Variants in CBFA2T2 observed in about 807,000 individuals in gnomAD.
CBFA2T2 encodes the protein protein CBFA2T2.
Under a neutral mutation model 62.2 loss-of-function variants are expected in CBFA2T2, and 11 were observed. That is an observed-to-expected ratio of 0.18 (90% CI 0.11 to 0.29). The LOEUF is 0.29. Ranked by LOEUF, CBFA2T2 falls within the 10% of genes least tolerant of loss-of-function variation. The pLI is 1.00. For synonymous variants in CBFA2T2, 295 were observed against 287.5 expected (o/e 1.03, Z -0.27); for missense variants, 592 against 774.1 (o/e 0.76, Z 2.79).
chr20:33,601,274 G>A (rs1009736236), intron 1 of CBFA2T2, among the ~76,000 whole-genome samples: 2 of 151,698 alleles, frequency 1.3e-5, no homozygotes, highest in African/African-American at 2.4e-5. Context: ...TTTTTTGTTT[G>A]TTTGTTTTTA....
Position 33,530,509 on chromosome 20 carries a change from C to T in CBFA2T2, c.34+40208C>T, listed in dbSNP as rs1229439023. On this transcript the variant is annotated intron_variant, in intron 1 of 10. Coordinates refer to ENST00000342704, the MANE Select transcript of CBFA2T2 (RefSeq NM_001032999.3). Reference sequence around the variant, plus strand: ...CTTGGCTCACTGCAACCTCTGCCTCCCGGGTTCATGCAATTCTCCTGCTTC... The same window carrying T: ...CTTGGCTCACTGCAACCTCTGCCTCTCGGGTTCATGCAATTCTCCTGCTTC... 5.9e-5 allele frequency among the ~76,000 whole-genome samples: 9 copies of T among 152,246 alleles called. No homozygotes were observed. In the South Asian group the frequency reaches 1.7e-3, roughly 28 times the overall value.
intron 1 of CBFA2T2, among the ~76,000 whole-genome samples, chr20:33,578,122 C>T (rs1294230443): frequency 6.6e-6 from 1 of 152,128 alleles, no homozygotes; most frequent in African/African-American, 2.4e-5. Flanking sequence ...GTCAGTTGGT[C>T]ACAAATAACA....
At chr20:33,528,489 T>C (rs1456261763) in intron 1 of CBFA2T2, among the ~76,000 whole-genome samples, 1 of 152,212 alleles carries the variant, frequency 6.6e-6, no homozygotes, top group Non-Finnish European at 1.5e-5. Context: ...TTTGGTGGGC[T>C]ATTTTTCTCT....
intron 1 of CBFA2T2, among the ~76,000 whole-genome samples, chr20:33,533,716 G>A (rs1187129635): frequency 2.0e-5 from 3 of 151,974 alleles, no homozygotes; most frequent in Admixed American, 6.6e-5. Flanking sequence ...GCTCATGCCT[G>A]TAATCCCAGC....
chr20:33,624,860 T>A lies in CBFA2T2; in HGVS notation c.789T>A (p.Ala263=). The part of the protein sequence containing the change: ...TISPAPRHSP[A]LTVPLMNPGG... ...GCCCTGCTCCTCGGCACAGTCCTGCTCTCACTGTGCCCCTCATGAATCCCG... is the reference window on the plus strand; with the variant it reads ...GCCCTGCTCCTCGGCACAGTCCTGCACTCACTGTGCCCCTCATGAATCCCG... The change falls in exon 6 of 11, where the codon GCT becomes GCA. Residue 263 remains alanine (A), a synonymous_variant. Transcript: ENST00000342704. The A allele has an allele frequency of 1.9e-6, 3 of 1,614,110 alleles. No individual in the cohort carries two copies. In the East Asian group the frequency reaches 6.7e-5, roughly 36 times the overall value.
intron 1 of CBFA2T2, chr20:33,562,495 AGTGAGAAATCGCAGAT>A: frequency 3.0e-6 from 3 of 985,902 alleles, no homozygotes; most frequent in Non-Finnish European, 3.6e-6. Flanking sequence ...AGCTCTAGTC[AGTGAGAAATCGCAGAT>A]GTGAGAGAGC....
Position 33,606,790 on chromosome 20 carries a change from C to T in CBFA2T2, c.35-166C>T, listed in dbSNP as rs529158729. Among the ~76,000 whole-genome samples the T allele has an allele frequency of 1.6e-4, 25 of 152,280 alleles. No individual in the cohort carries two copies. In the South Asian group the frequency reaches 4.8e-3, roughly 29 times the overall value. ...AAGACCCTTTTGCCAAATCAGGTAACATTCACAGTTCCAGATGTTGGGATG... is the reference window on the plus strand; with the variant it reads ...AAGACCCTTTTGCCAAATCAGGTAATATTCACAGTTCCAGATGTTGGGATG... On this transcript the variant is annotated intron_variant, in intron 1 of 10. Transcript: ENST00000342704.
At chr20:33,512,353 C>CA (rs955096102) in intron 1 of CBFA2T2, among the ~76,000 whole-genome samples, 207 of 150,766 alleles carry the variant, frequency 1.4e-3, no homozygotes, top group African/African-American at 4.6e-3. Flanking sequence ...TCCCTCTCAA[C>CA]AAAAAAAAAG....
At chr20:33,491,852 C>T (rs1463767553) in intron 1 of CBFA2T2, among the ~76,000 whole-genome samples, 2 of 151,912 alleles carry the variant, frequency 1.3e-5, no homozygotes, top group Non-Finnish European at 2.9e-5. Context: ...CAGGCATATG[C>T]CACCACGCTC....
rs958863533 is a variant in CBFA2T2, at chr20:33,648,865, C to T, written c.*4219C>T. On this transcript the variant is annotated 3_prime_UTR_variant, in exon 11 of 11. Transcript: ENST00000342704. Reference sequence around the variant, plus strand: ...AAACCCATGCTTTACTTTGTACAGCCCTGTCCCAGAGTTAGTAAGCCTCGG... The same window carrying T: ...AAACCCATGCTTTACTTTGTACAGCTCTGTCCCAGAGTTAGTAAGCCTCGG... The T allele has an allele frequency of 6.6e-6, 1 of 152,118 alleles. No individual in the cohort carries two copies. The highest frequency in any genetic ancestry group is 1.5e-5 in the Non-Finnish European group (1 of 68,044). 9.4% of individuals were successfully genotyped at this position (152,118 alleles called of 1,614,324 possible). A position where few individuals can be genotyped will look rare whatever the true frequency, so the allele number is the denominator to read the frequency against.
Position 33,636,717 on chromosome 20 carries a change from C to A in CBFA2T2, c.1297+9C>A. On this transcript the variant is annotated intron_variant, in intron 9 of 10. Transcript: ENST00000342704. ...GTTTTGGAAAAAAACAGGTATGTGTCTGACTGCTTGTAGGTCATACATACT... is the reference window on the plus strand; with the variant it reads ...GTTTTGGAAAAAAACAGGTATGTGTATGACTGCTTGTAGGTCATACATACT... The A allele has an allele frequency of 6.2e-7, 1 of 1,602,332 alleles. No homozygotes were observed. The highest frequency in any genetic ancestry group is 8.5e-7 in the Non-Finnish European group (1 of 1,169,632).
At chr20:33,547,066 G>C (rs1437128111) in intron 1 of CBFA2T2, among the ~76,000 whole-genome samples, 2 of 152,008 alleles carry the variant, frequency 1.3e-5, no homozygotes, top group Non-Finnish European at 2.9e-5. Flanking sequence ...CCAGGCATGG[G>C]GTACACATCT....
intron 9 of CBFA2T2, 22 bp downstream of exon 9, chr20:33,636,730 G>A: frequency 6.4e-7 from 1 of 1,558,722 alleles, no homozygotes; most frequent in African/African-American, 1.4e-5. Flanking sequence ...ACTGCTTGTA[G>A]GTCATACATA....
intron 1 of CBFA2T2, among the ~76,000 whole-genome samples, chr20:33,592,425 AAATTAT>A: frequency 6.8e-6 from 1 of 147,874 alleles, no homozygotes; most frequent in East Asian, 1.9e-4. Flanking sequence ...AATTATGTAA[AAATTAT>A]ATATAATTAT....
intron 8 of CBFA2T2, among the ~76,000 whole-genome samples, chr20:33,630,502 T>G (rs1364736581): frequency 1.3e-5 from 2 of 152,068 alleles, no homozygotes; most frequent in South Asian, 4.2e-4. Context: ...AAAATACCAC[T>G]CAATCCACCA....
intron 1 of CBFA2T2, among the ~76,000 whole-genome samples, chr20:33,493,891 G>T (rs1467130840): frequency 2.6e-5 from 4 of 151,778 alleles, no homozygotes; most frequent in African/African-American, 9.7e-5. Context: ...GTTTTTTTAT[G>T]GTTTTTTTTG....
intron 1 of CBFA2T2, among the ~76,000 whole-genome samples, chr20:33,573,370 C>A (rs181280350): frequency 6.6e-6 from 1 of 152,192 alleles, no homozygotes; most frequent in African/African-American, 2.4e-5. Context: ...CAAGGAGGAT[C>A]CTCACTGAAA....
intron 10 of CBFA2T2, among the ~76,000 whole-genome samples, chr20:33,640,751 A>G (rs1223564218): frequency 6.6e-6 from 1 of 152,138 alleles, no homozygotes; most frequent in African/African-American, 2.4e-5. Context: ...ACATACATAT[A>G]TATATAGAGA....
At chr20:33,515,089 C>T (rs1456106447) in intron 1 of CBFA2T2, among the ~76,000 whole-genome samples, 1 of 151,674 alleles carries the variant, frequency 6.6e-6, no homozygotes, top group African/African-American at 2.4e-5. Context: ...TGGCTCACGC[C>T]TGTAATCACA....
Sources: allele counts gnomAD v4.1 joint callset (sites outside exome capture counted in the v4.1 genomes callset), GRCh38; gene constraint gnomAD v4.1.1; transcripts MANE v1.5; gene names NCBI Gene and HGNC (gene_info 2026-07-23, HGNC 2026-07-21).